The following ANKRD22 variants were observed in gnomAD, a reference collection of about 807,000 sequenced individuals.
The protein encoded by ANKRD22 is ankyrin repeat domain 22, also known as ankyrin repeat domain-containing protein 22.
Under a neutral mutation model 25.7 loss-of-function variants are expected in ANKRD22, and 24 were observed. The observed-to-expected ratio is 0.93, with a 90% CI of 0.68 to 1.31. The LOEUF (loss-of-function observed/expected upper bound fraction) is 1.31. Ranked by LOEUF, ANKRD22 falls within the 50% of genes most tolerant of loss-of-function variation. ANKRD22 has a pLI of 0.00. For synonymous variants in ANKRD22, 84 were observed against 84.3 expected (o/e 1.00, Z 0.02); for missense variants, 214 against 227.1 (o/e 0.94, Z 0.37).
chr10:88,845,255 A>C (rs1292780295), intron 1 of ANKRD22, among the ~76,000 whole-genome samples: 1 of 152,158 alleles, frequency 6.6e-6, no homozygotes, highest in Non-Finnish European at 1.5e-5. Context: ...AAGGGTGCTC[A>C]AAGGAGGTTG....
intron 4 of ANKRD22, among the ~76,000 whole-genome samples, 192 bp downstream of exon 4, chr10:88,825,846 A>G (rs538912048): frequency 6.6e-6 from 1 of 152,344 alleles, no homozygotes; most frequent in South Asian, 2.1e-4. Flanking sequence ...CAATAGAGGT[A>G]TTATTCCCAT....
chr10:88,826,908 G>T lies in ANKRD22; in HGVS notation c.322-793C>A, dbSNP rs572382780. 2.0e-5 allele frequency among the ~76,000 whole-genome samples: 3 copies of T among 152,332 alleles called. No homozygotes were observed. The South Asian group carries it at 6.2e-4, about 32-fold the overall frequency. On this transcript the variant is annotated intron_variant, in intron 3 of 5. Coordinates refer to ENST00000371930, the MANE Select transcript of ANKRD22 (RefSeq NM_144590.3). Reference sequence around the variant, plus strand: ...TTTGTTCATCATTGTGTCCCTAACAGCTAGCACAGCGTCTGGCACATAGTA... The same window carrying T: ...TTTGTTCATCATTGTGTCCCTAACATCTAGCACAGCGTCTGGCACATAGTA...
chr10:88,832,981 T>C (rs1157792732), intron 1 of ANKRD22, among the ~76,000 whole-genome samples: 1 of 152,208 alleles, frequency 6.6e-6, no homozygotes, highest in Non-Finnish European at 1.5e-5. Context: ...ATGTCATAAT[T>C]TAATTTTCAT....
intron 4 of ANKRD22, 151 bp from the exon 5 acceptor site, chr10:88,823,529 G>A: frequency 1.5e-6 from 1 of 656,334 alleles, no homozygotes; most frequent in East Asian, 2.7e-5. Context: ...ACTATTTCTA[G>A]TACTTAAAAA....
At chr10:88,841,827 C>A (rs1844006137) in intron 1 of ANKRD22, among the ~76,000 whole-genome samples, 1 of 152,092 alleles carries the variant, frequency 6.6e-6, no homozygotes, top group Non-Finnish European at 1.5e-5. Flanking sequence ...TAACTGCAAC[C>A]AATCAAATAT....
chr10:88,828,384 T>C (rs1843874104), intron 3 of ANKRD22, among the ~76,000 whole-genome samples, 175 bp downstream of exon 3: 2 of 152,246 alleles, frequency 1.3e-5, no homozygotes, highest in Admixed American at 6.5e-5. Flanking sequence ...AGCTTTCTTC[T>C]TGCTGTACTT....
chr10:88,823,806 C>G (rs1424653746), intron 4 of ANKRD22, among the ~76,000 whole-genome samples: 1 of 123,980 alleles, frequency 8.1e-6, no homozygotes, highest in Non-Finnish European at 1.5e-5. Context: ...CCAGCCTGGG[C>G]GACAGAGCGA....
At chr10:88,823,075 A>G in intron 5 of ANKRD22, 57 bp from the exon 6 acceptor site, 1 of 1,526,078 alleles carries the variant, frequency 6.6e-7, no homozygotes, top group Admixed American at 1.7e-5. Flanking sequence ...TCTCGTACGT[A>G]GCTTAGACCA....
intron 1 of ANKRD22, among the ~76,000 whole-genome samples, chr10:88,832,627 A>G (rs2133074213): frequency 6.6e-6 from 1 of 152,304 alleles, no homozygotes; most frequent in South Asian, 2.1e-4. Flanking sequence ...AATAAGACCT[A>G]CATAGCACCC....
chr10:88,826,265 C>T, intron 3 of ANKRD22, 150 bp from the exon 4 acceptor site: 1 of 647,198 alleles, frequency 1.5e-6, no homozygotes, highest in South Asian at 2.0e-5. Flanking sequence ...GCTTCTCACT[C>T]ACTCTAATAT....
rs76089188 is a variant in ANKRD22, at chr10:88,822,076, C to T, written c.*865G>A. The T allele has an allele frequency of 4.6e-5, 7 of 152,242 alleles. No homozygotes were observed. Among genetic ancestry groups the T allele is most frequent in the South Asian group, 2.1e-4 (1 of 4,828 alleles). 9.4% of individuals were successfully genotyped at this position (152,242 alleles called of 1,614,324 possible). ...AAAGGATCATGAAGATTTTTTTAAA[C>T]GAACATTTTCATAGTTGCATAGTCT... is the stretch of plus-strand genomic sequence containing the variant. On this transcript the variant is annotated 3_prime_UTR_variant, in exon 6 of 6. Coordinates refer to ENST00000371930, the MANE Select transcript of ANKRD22 (RefSeq NM_144590.3).
At position 88,823,030 on chromosome 10, in the gene ANKRD22, A is replaced by G. The variant is rs747479903; in HGVS notation, c.499-12T>C. The G allele has an allele frequency of 6.2e-6, 10 of 1,608,942 alleles. No homozygotes were observed. The highest frequency in any genetic ancestry group is 2.2e-5 in the East Asian group (1 of 44,862). ...GAGCTCTCACCATGCTGAGGGGGGA[A>G]AAATATACAGTTATTTCCAATAGAG... On this transcript the variant is annotated splice_polypyrimidine_tract_variant and intron_variant, in intron 5 of 5. Transcript: ENST00000371930.
In ANKRD22 at chr10:88,820,354, C is replaced by T. The variant is rs1242871840; in HGVS notation, c.*2587G>A. 2 of 1,552,216 alleles carry T rather than the reference C, an allele frequency of 1.3e-6. No homozygotes were observed. The highest frequency in any genetic ancestry group is 1.7e-6 in the Non-Finnish European group (2 of 1,147,142). On this transcript the variant is annotated 3_prime_UTR_variant, in exon 6 of 6. Transcript: ENST00000371930. ...TGCTGCTCTCTGAGGTGACCAACCT[C>T]ATCTACCATAAGAATATTCCTGAAT...
chr10:88,831,939 C>T lies in ANKRD22; in HGVS notation c.109G>A (p.Gly37Ser), dbSNP rs1843907703. The T allele has an allele frequency of 2.5e-6, 4 of 1,613,978 alleles. No homozygotes were observed. The highest frequency in any genetic ancestry group is 1.3e-5 in the African/African-American group (1 of 74,998). ...ATCAGGGGCGTGTCTCCATTAAAGCCATCTTGAACGTTGGCATAGCTGCTG... is the reference window on the plus strand; with the variant it reads ...ATCAGGGGCGTGTCTCCATTAAAGCTATCTTGAACGTTGGCATAGCTGCTG... ...EDSSYANVQD[G>S]FNGDTPLICA... The change falls in exon 2 of 6, where the codon GGC becomes AGC. Residue 37 changes from glycine (G) to serine (S), a missense_variant. Physicochemically the swap from Gly to Ser is moderately conservative, Grantham distance 56. Transcript: ENST00000371930.
chr10:88,836,663 A>G (rs1441733), intron 1 of ANKRD22, among the ~76,000 whole-genome samples: 4,977 of 152,316 alleles, frequency 0.033, 108 homozygotes, highest in Middle Eastern at 0.051. Flanking sequence ...TGTGTCCAAA[A>G]TTAAGCTACA....
chr10:88,827,234 T>C (rs928135231), intron 3 of ANKRD22, among the ~76,000 whole-genome samples: 1 of 152,148 alleles, frequency 6.6e-6, no homozygotes, highest in Non-Finnish European at 1.5e-5. Context: ...AACCCAATGC[T>C]TTCCTCTCTC....
At chr10:88,835,693 A>G (rs1435203582) in intron 1 of ANKRD22, among the ~76,000 whole-genome samples, 1 of 152,216 alleles carries the variant, frequency 6.6e-6, no homozygotes, top group African/African-American at 2.4e-5. Flanking sequence ...ACACTGCTGT[A>G]TATGCTGTTC....
At chr10:88,825,003 T>TCACACACACACACACA (rs1429940409) in intron 4 of ANKRD22, among the ~76,000 whole-genome samples, 1 of 91,170 alleles carries the variant, frequency 1.1e-5, no homozygotes, top group East Asian at 3.6e-4. Context: ...TCTCTCTCTC[T>TCACACACACACACACA]CTCTCTCTCA....
Position 88,823,379 on chromosome 10 carries a change from C to T in ANKRD22, c.400-1G>A. ...CATAATGTAATGCGGTACAGCCATACTGAAACACAAAGGGCCAAAACTTCA... is the reference window on the plus strand; with the variant it reads ...CATAATGTAATGCGGTACAGCCATATTGAAACACAAAGGGCCAAAACTTCA... On this transcript the variant is annotated splice_acceptor_variant, in intron 4 of 5. Coordinates refer to ENST00000371930, the MANE Select transcript of ANKRD22 (RefSeq NM_144590.3). LOFTEE classifies it high-confidence loss of function. The T allele has an allele frequency of 6.2e-7, 1 of 1,613,194 alleles. No homozygotes were observed. The highest frequency in any genetic ancestry group is 8.5e-7 in the Non-Finnish European group (1 of 1,179,180).
Sources: allele counts gnomAD v4.1 joint callset (sites outside exome capture counted in the v4.1 genomes callset), GRCh38; gene constraint gnomAD v4.1.1; transcripts MANE v1.5; gene names NCBI Gene and HGNC (gene_info 2026-07-23, HGNC 2026-07-21).